The following DNM3 variants were observed in gnomAD, a reference collection of about 807,000 sequenced individuals.
DNM3 encodes the protein dynamin-3.
In DNM3, 47 loss-of-function variants were observed where a neutral mutation model predicts 101.6. The observed-to-expected ratio is 0.46, with a 90% CI of 0.37 to 0.59. DNM3 has a LOEUF of 0.59. Ranked by LOEUF, DNM3 falls within the 20% of genes least tolerant of loss-of-function variation. The probability of loss-of-function intolerance (pLI) is 0.00; values close to 1 mark genes in which losing one functional copy is unlikely to be tolerated. For synonymous variants in DNM3, 385 were observed against 387.9 expected (o/e 0.99, Z 0.09); for missense variants, 849 against 1,085.7 (o/e 0.78, Z 3.06).
intron 15 of DNM3, among the ~76,000 whole-genome samples, chr1:172,284,427 T>C (rs2063616523): frequency 6.6e-6 from 1 of 152,216 alleles, no homozygotes; most frequent in Non-Finnish European, 1.5e-5. Flanking sequence ...GTTAGTGTCC[T>C]TCTTAGCAAT....
chr1:172,152,172 C>A (rs1355000968), intron 14 of DNM3, among the ~76,000 whole-genome samples: 1 of 152,098 alleles, frequency 6.6e-6, no homozygotes, highest in Non-Finnish European at 1.5e-5. Flanking sequence ...GCATAAGCCA[C>A]CGTGCTGGCT....
At chr1:171,994,029 T>A (rs542305974) in intron 4 of DNM3, among the ~76,000 whole-genome samples, 2 of 152,194 alleles carry the variant, frequency 1.3e-5, no homozygotes, top group East Asian at 3.9e-4. Context: ...ATTATTATTT[T>A]TTTTTAGTTT....
chr1:172,051,772 G>T (rs1311280529), intron 10 of DNM3, among the ~76,000 whole-genome samples: 1 of 152,168 alleles, frequency 6.6e-6, no homozygotes, highest in Non-Finnish European at 1.5e-5. Context: ...AGCCCACAAG[G>T]TGTATGGGTG....
In DNM3 at chr1:172,088,181, G is replaced by T. The variant is rs2053662789; in HGVS notation, c.1494-4643G>T. On this transcript the variant is annotated intron_variant, in intron 12 of 20. Coordinates refer to ENST00000627582, the MANE Select transcript of DNM3 (RefSeq NM_015569.5). ...TGATGCTCTTGACTATCAAGGAGCA[G>T]GCATTGTTGGAAACCCAACTTACAA... is the stretch of plus-strand genomic sequence containing the variant. 1.3e-5 allele frequency among the ~76,000 whole-genome samples: 2 copies of T among 152,196 alleles called. 1 individual carries two copies. The highest frequency in any genetic ancestry group is 1.3e-4 in the Admixed American group (2 of 15,266).
At chr1:172,221,751 G>T (rs935406813) in intron 14 of DNM3, among the ~76,000 whole-genome samples, 17 of 151,902 alleles carry the variant, frequency 1.1e-4, no homozygotes, top group Non-Finnish European at 2.1e-4. Flanking sequence ...TGTCTCTCTT[G>T]CTATCTCTCT....
In DNM3 at chr1:172,092,833, G is replaced by A; in HGVS notation, c.1503G>A (p.Gln501=). The change falls in exon 13 of 21, where the codon CAG becomes CAA. Residue 501 remains glutamine, a synonymous_variant. Transcript: ENST00000627582. ...EDFIGFANAQ[Q]RSSQVHKKTT... The stretch of plus-strand genomic sequence containing the variant: ...CCTTTGCTTTTCTCAGTGCTCAGCA[G>A]AGGAGCAGTCAGGTTCACAAGAAAA... 1 of 1,558,600 alleles carries A rather than the reference G, an allele frequency of 6.4e-7. No homozygotes were observed.
intron 14 of DNM3, among the ~76,000 whole-genome samples, chr1:172,230,890 CTACT>C (rs1293587950): frequency 6.6e-6 from 1 of 152,046 alleles, no homozygotes; most frequent in Non-Finnish European, 1.5e-5. Flanking sequence ...TTTTCCCATT[CTACT>C]TACTTAGTCC....
chr1:171,888,483 G>C (rs1021943828), intron 1 of DNM3, among the ~76,000 whole-genome samples: 1 of 152,172 alleles, frequency 6.6e-6, no homozygotes, highest in Non-Finnish European at 1.5e-5. Flanking sequence ...TAGAGGAAAG[G>C]ATGCAGAAAT....
chr1:172,361,063 C>A (rs774872472), intron 17 of DNM3, among the ~76,000 whole-genome samples: 1 of 152,022 alleles, frequency 6.6e-6, no homozygotes, highest in African/African-American at 2.4e-5. Flanking sequence ...AGCTCCCGCA[C>A]AGGATGACTC....
intron 17 of DNM3, among the ~76,000 whole-genome samples, chr1:172,350,369 T>G (rs2067149384): frequency 6.6e-6 from 1 of 151,938 alleles, no homozygotes; most frequent in Non-Finnish European, 1.5e-5. Context: ...ATGTGGAATA[T>G]TCTTACAGCT....
intron 14 of DNM3, among the ~76,000 whole-genome samples, chr1:172,244,229 T>C (rs1162943067): frequency 6.6e-6 from 1 of 151,888 alleles, no homozygotes. Flanking sequence ...TATTCCATGG[T>C]GTATATGTGC....
intron 18 of DNM3, among the ~76,000 whole-genome samples, chr1:172,383,711 G>A (rs1408365576): frequency 6.6e-6 from 1 of 152,114 alleles, no homozygotes; most frequent in Non-Finnish European, 1.5e-5. Flanking sequence ...AACATATTAC[G>A]GGTTGCTAGA....
chr1:172,279,702 C>G (rs2148779703), intron 15 of DNM3, among the ~76,000 whole-genome samples: 1 of 152,234 alleles, frequency 6.6e-6, no homozygotes, highest in East Asian at 1.9e-4. Flanking sequence ...CTCTTGCCTT[C>G]ACTTTCCGCA....
intron 14 of DNM3, among the ~76,000 whole-genome samples, chr1:172,181,476 A>C (rs2059344096): frequency 6.6e-6 from 1 of 152,154 alleles, no homozygotes; most frequent in African/African-American, 2.4e-5. Flanking sequence ...CAATTCCCTG[A>C]AAGATTACAC....
At chr1:172,219,694 G>A (rs2060838645) in intron 14 of DNM3, among the ~76,000 whole-genome samples, 1 of 152,142 alleles carries the variant, frequency 6.6e-6, no homozygotes, top group Non-Finnish European at 1.5e-5. Context: ...ACAAGGTGAA[G>A]ATGTAGAAAA....
At chr1:172,403,591 C>A (rs1227819924) in intron 20 of DNM3, among the ~76,000 whole-genome samples, 1 of 152,096 alleles carries the variant, frequency 6.6e-6, no homozygotes, top group Non-Finnish European at 1.5e-5. Flanking sequence ...GAGCATTTGA[C>A]TTTCTTACAA....
chr1:172,071,539 G>A (rs1197298186), intron 11 of DNM3, among the ~76,000 whole-genome samples: 5 of 152,040 alleles, frequency 3.3e-5, no homozygotes, highest in Admixed American at 6.6e-5. Context: ...TCAGGCCTCC[G>A]CGCCTGAACA....
chr1:172,388,485 TA>T, intron 19 of DNM3, 87 bp from the exon 20 acceptor site: 1 of 1,167,820 alleles, frequency 8.6e-7, no homozygotes. Context: ...AAATAATTTT[TA>T]AAAAGCAGGA....
intron 2 of DNM3, among the ~76,000 whole-genome samples, chr1:171,984,567 C>A (rs1185031367): frequency 4.6e-5 from 7 of 152,286 alleles, no homozygotes; most frequent in Admixed American, 6.5e-5. Context: ...TCATGGAAGC[C>A]TTCCTTATCT....
Sources: allele counts gnomAD v4.1 joint callset (sites outside exome capture counted in the v4.1 genomes callset), GRCh38; gene constraint gnomAD v4.1.1; transcripts MANE v1.5; gene names NCBI Gene and HGNC (gene_info 2026-07-23, HGNC 2026-07-21).